The following LRRTM3 variants were observed in gnomAD, a reference collection of about 807,000 sequenced individuals.
LRRTM3 encodes the protein leucine-rich repeat transmembrane neuronal protein 3.
Under a neutral mutation model 44.7 loss-of-function variants are expected in LRRTM3, and 24 were observed. The observed-to-expected ratio is 0.54, with a 90% CI of 0.39 to 0.76. LRRTM3 has a LOEUF of 0.76. LRRTM3 is among the 30% of genes least tolerant of loss of function. The pLI is 0.00. For missense variants in LRRTM3, 587 were observed against 702.2 expected, an observed-to-expected ratio of 0.84 and a Z score of 1.85; for synonymous variants, 277 against 278.7, an observed-to-expected ratio of 0.99 and a Z score of 0.06.
chr10:67,049,647 C>A (rs10762133), intron 2 of LRRTM3, among the ~76,000 whole-genome samples: 84,561 of 151,866 alleles, frequency 0.56, 23,915 homozygotes, highest in East Asian at 0.78. Flanking sequence ...AACCAACACA[C>A]CTGAATTTTC....
At chr10:67,076,997 CTT>C (rs1446601393) in intron 2 of LRRTM3, among the ~76,000 whole-genome samples, 2 of 152,212 alleles carry the variant, frequency 1.3e-5, no homozygotes, top group South Asian at 2.1e-4. Flanking sequence ...TGCATTGTCT[CTT>C]GTTTCAGGCA....
At chr10:66,966,369 TAATGA>T (rs1849410853) in intron 2 of LRRTM3, among the ~76,000 whole-genome samples, 1 of 152,146 alleles carries the variant, frequency 6.6e-6, no homozygotes, top group South Asian at 2.1e-4. Context: ...AGACTTTGTA[TAATGA>T]AATGAAAAAT....
At chr10:67,019,596 G>A (rs1418738636) in intron 2 of LRRTM3, among the ~76,000 whole-genome samples, 1 of 152,144 alleles carries the variant, frequency 6.6e-6, no homozygotes, top group African/African-American at 2.4e-5. Context: ...TAAGAAATAT[G>A]GAGTACAAAG....
At chr10:67,000,674 A>C (rs1404124017) in intron 2 of LRRTM3, among the ~76,000 whole-genome samples, 1 of 152,176 alleles carries the variant, frequency 6.6e-6, no homozygotes, top group African/African-American at 2.4e-5. Context: ...ATTAAACTGA[A>C]TTAGATATAT....
chr10:67,085,291 C>G lies in LRRTM3; in HGVS notation c.1537-12296C>G, dbSNP rs1303482946. On this transcript the variant is annotated intron_variant, in intron 2 of 2. Coordinates refer to ENST00000361320, the MANE Select transcript of LRRTM3 (RefSeq NM_178011.5). ...AATAGTAATCAAAAATATGACTAGT[C>G]TTCTTGTTTATTATTTATAAGAAAC... Among the ~76,000 whole-genome samples the G allele has an allele frequency of 2.0e-5, 3 of 151,556 alleles. No homozygotes were observed. The East Asian group carries it at 5.8e-4, about 29-fold the overall frequency.
intron 2 of LRRTM3, among the ~76,000 whole-genome samples, chr10:66,957,407 T>G (rs77254143): frequency 3.4e-5 from 1 of 29,826 alleles, no homozygotes; most frequent in Admixed American, 2.7e-4. Context: ...TATATATATA[T>G]ATATATGCAT....
chr10:67,045,983 T>C (rs1169122631), intron 2 of LRRTM3, among the ~76,000 whole-genome samples: 1 of 152,204 alleles, frequency 6.6e-6, no homozygotes, highest in Non-Finnish European at 1.5e-5. Flanking sequence ...ACATCATGTT[T>C]GATCCATTGA....
At chr10:66,935,309 AAC>A (rs1746990733) in intron 2 of LRRTM3, among the ~76,000 whole-genome samples, 1 of 152,142 alleles carries the variant, frequency 6.6e-6, no homozygotes, top group African/African-American at 2.4e-5. Flanking sequence ...TCTAAGGTAC[AAC>A]AGTGAAAATA....
In LRRTM3 at chr10:66,926,156, A is replaced by T; in HGVS notation, c.-428A>T. Reference sequence around the variant, plus strand: ...TCTGTGGCTGAACTGGGTGCTCATCACGGGAACTGCTGGGGTATGGAATAC... The same window carrying T: ...TCTGTGGCTGAACTGGGTGCTCATCTCGGGAACTGCTGGGGTATGGAATAC... On this transcript the variant is annotated 5_prime_UTR_variant, in exon 1 of 3. Coordinates refer to ENST00000361320, the MANE Select transcript of LRRTM3 (RefSeq NM_178011.5). 1 of 461,666 alleles carries T rather than the reference A, an allele frequency of 2.2e-6. No individual in the cohort carries two copies. 28.6% of individuals were successfully genotyped at this position (461,666 alleles called of 1,614,324 possible).
intron 2 of LRRTM3, among the ~76,000 whole-genome samples, chr10:66,950,539 T>C (rs375656251): frequency 2.0e-5 from 3 of 152,116 alleles, no homozygotes; most frequent in Admixed American, 6.5e-5. Flanking sequence ...AAAATATGTA[T>C]GATATTTGAG....
At chr10:67,055,259 C>T (rs1018287819) in intron 2 of LRRTM3, among the ~76,000 whole-genome samples, 1 of 152,144 alleles carries the variant, frequency 6.6e-6, no homozygotes, top group Non-Finnish European at 1.5e-5. Context: ...TAGGTGTCAC[C>T]ATTAGTACAA....
intron 2 of LRRTM3, among the ~76,000 whole-genome samples, chr10:66,957,998 G>A (rs1414127080): frequency 1.1e-4 from 16 of 151,962 alleles, no homozygotes; most frequent in Admixed American, 1.0e-3. Flanking sequence ...GCCTGGAGCA[G>A]GGTACAGAGG....
chr10:67,060,558 C>T (rs748004085), intron 2 of LRRTM3, among the ~76,000 whole-genome samples: 2 of 152,194 alleles, frequency 1.3e-5, no homozygotes, highest in Non-Finnish European at 2.9e-5. Context: ...CCAGATAACA[C>T]ATTCTAGTTC....
chr10:67,022,546 T>C (rs1303844005), intron 2 of LRRTM3, among the ~76,000 whole-genome samples: 1 of 152,140 alleles, frequency 6.6e-6, no homozygotes, highest in Admixed American at 6.5e-5. Flanking sequence ...TAACTATGCC[T>C]TCAAAAAAGT....
intron 2 of LRRTM3, among the ~76,000 whole-genome samples, chr10:66,987,007 A>G (rs1184982832): frequency 6.6e-6 from 1 of 152,132 alleles, no homozygotes; most frequent in African/African-American, 2.4e-5. Context: ...AAGATCTGAA[A>G]GAAGCAAGAA....
chr10:66,963,363 T>C (rs1193079208), intron 2 of LRRTM3, among the ~76,000 whole-genome samples: 5 of 152,178 alleles, frequency 3.3e-5, no homozygotes, highest in Non-Finnish European at 7.3e-5. Flanking sequence ...TTGCTTGTAG[T>C]ATGGAAAATG....
At chr10:67,046,532 G>A (rs766869957) in intron 2 of LRRTM3, among the ~76,000 whole-genome samples, 20 of 152,088 alleles carry the variant, frequency 1.3e-4, no homozygotes, top group Non-Finnish European at 2.2e-4. Context: ...GAATCTATCC[G>A]TCTTTCATCC....
At chr10:66,997,206 A>G (rs1368851229) in intron 2 of LRRTM3, among the ~76,000 whole-genome samples, 1 of 152,154 alleles carries the variant, frequency 6.6e-6, no homozygotes, top group African/African-American at 2.4e-5. Context: ...TCAGAGGCCT[A>G]ATTTTCCATA....
intron 2 of LRRTM3, among the ~76,000 whole-genome samples, chr10:66,952,684 A>G (rs1381707564): frequency 6.6e-6 from 1 of 151,872 alleles, no homozygotes; most frequent in East Asian, 1.9e-4. Flanking sequence ...CTCTCTGAAA[A>G]TCCATTTTCC....
Sources: allele counts gnomAD v4.1 joint callset (sites outside exome capture counted in the v4.1 genomes callset), GRCh38; gene constraint gnomAD v4.1.1; transcripts MANE v1.5; gene names NCBI Gene and HGNC (gene_info 2026-07-23, HGNC 2026-07-21).